The following SLC30A9 variants were observed in gnomAD, a reference collection of about 807,000 sequenced individuals.
SLC30A9 encodes the protein proton-coupled zinc antiporter SLC30A9, mitochondrial.
A neutral mutation model predicts 87.5 loss-of-function variants in SLC30A9; 58 were observed. The ratio of observed to expected loss-of-function variants is 0.66; its 90% CI spans 0.54 to 0.82. The LOEUF (loss-of-function observed/expected upper bound fraction) is 0.82, where lower values mean the gene tolerates loss of function less well. SLC30A9 is among the 40% of genes least tolerant of loss of function. SLC30A9 has a pLI of 0.00. For synonymous variants in SLC30A9, 234 were observed against 233.0 expected (o/e 1.00, Z -0.04); for missense variants, 557 against 679.1 (o/e 0.82, Z 2.00).
intron 2 of SLC30A9, among the ~76,000 whole-genome samples, chr4:42,007,431 T>C (rs547884776): frequency 3.9e-5 from 6 of 152,286 alleles, no homozygotes; most frequent in African/African-American, 1.4e-4. Context: ...CCAGTGAATC[T>C]ACTAGTCACT....
chr4:42,026,443 G>GTA (rs1295840473), intron 6 of SLC30A9, among the ~76,000 whole-genome samples: 1 of 152,150 alleles, frequency 6.6e-6, no homozygotes, highest in Non-Finnish European at 1.5e-5. Flanking sequence ...TATGAAAAAT[G>GTA]TATACATATT....
At chr4:42,070,422 T>C (rs1718263874) in intron 14 of SLC30A9, 104 bp from the exon 15 acceptor site, 1 of 827,670 alleles carries the variant, frequency 1.2e-6, no homozygotes, top group African/African-American at 1.7e-5. Flanking sequence ...TAGGAATAAA[T>C]TTCAAGTGCC....
chr4:42,031,674 A>G (rs1716443721), intron 6 of SLC30A9, among the ~76,000 whole-genome samples: 1 of 152,230 alleles, frequency 6.6e-6, no homozygotes, highest in East Asian at 1.9e-4. Context: ...CTGAATCCCA[A>G]TTAAGTGAAA....
At chr4:42,064,170 A>G (rs573389685) in intron 11 of SLC30A9, among the ~76,000 whole-genome samples, 1 of 152,276 alleles carries the variant, frequency 6.6e-6, no homozygotes, top group East Asian at 1.9e-4. Context: ...AGCTTTCACC[A>G]AAGAAATCTT....
chr4:42,037,809 G>A (rs879068986), intron 7 of SLC30A9, among the ~76,000 whole-genome samples: 1 of 152,036 alleles, frequency 6.6e-6, no homozygotes, highest in Non-Finnish European at 1.5e-5. Context: ...TTATTTTTGA[G>A]ACAGAGTATT....
chr4:42,019,279 C>CTTCAGGTA lies in SLC30A9; in HGVS notation c.334+1112_334+1119dup, dbSNP rs529983433. On this transcript the variant is annotated intron_variant, in intron 3 of 17. Transcript: ENST00000264451. ...ATAAGTTTGTTATTTTGCTCTTGCA[C>CTTCAGGTA]TTCAGGTATTTGCTTATTTATCTCT... Among the ~76,000 whole-genome samples, 970 of 152,224 alleles carry CTTCAGGTA rather than the reference C, an allele frequency of 6.4e-3. 2 individuals are homozygous for CTTCAGGTA. The highest frequency in any genetic ancestry group is 9.9e-3 in the Non-Finnish European group (675 of 68,010).
chr4:42,052,909 T>C (rs930902129), intron 9 of SLC30A9, among the ~76,000 whole-genome samples: 3 of 152,220 alleles, frequency 2.0e-5, no homozygotes, highest in South Asian at 4.1e-4. Context: ...TTTTGCTCAT[T>C]GAAAGACATC....
rs1200545599 is a variant in SLC30A9 at position 42,039,057 on chromosome 4, A to T, written c.737+4A>T. 1 of 1,598,340 alleles carries T rather than the reference A, an allele frequency of 6.3e-7. No homozygotes were observed. Among genetic ancestry groups the T allele is most frequent in the Non-Finnish European group, 8.6e-7 (1 of 1,165,948 alleles). Reference sequence around the variant, plus strand: ...TGGTGATGGTTGCAATTTGCATGTAAGTACTGAAAAATAAGCTTTGTGAAA... The same window carrying T: ...TGGTGATGGTTGCAATTTGCATGTATGTACTGAAAAATAAGCTTTGTGAAA... On this transcript the variant is annotated splice_donor_region_variant and intron_variant, in intron 8 of 17. Transcript: ENST00000264451.
chr4:42,062,559 T>G (rs1717899825), intron 10 of SLC30A9, among the ~76,000 whole-genome samples: 1 of 152,162 alleles, frequency 6.6e-6, no homozygotes. Context: ...CAGCATCAAA[T>G]TATAGGTATT....
In SLC30A9 at chr4:42,075,734, G is replaced by A. The variant is rs1718523047; in HGVS notation, c.1496G>A (p.Arg499Gln). 3.7e-6 allele frequency: 6 copies of A among 1,612,336 alleles called. No individual in the cohort carries two copies. Among genetic ancestry groups the A allele is most frequent in the African/African-American group, 1.3e-5 (1 of 74,852 alleles). Reference sequence around the variant, plus strand: ...AAGGCAGAAGTAGATTTTGATGGGCGAGTTGTTACAAGATCATATTTGGAA... The same window carrying A: ...AAGGCAGAAGTAGATTTTGATGGGCAAGTTGTTACAAGATCATATTTGGAA... ...RFKAEVDFDG[R>Q]VVTRSYLEKQ... is the part of the protein sequence containing the mutation. Residue 499 changes from arginine (R) to glutamine (Q), a missense_variant, in exon 16 of 18, where the codon CGA (arginine) becomes CAA (glutamine). Physicochemically the swap from Arg to Gln is conservative, Grantham distance 43. This residue lies in a region of SLC30A9 where 90 missense variants were observed against 149.4 expected (regional missense o/e 0.60). Coordinates refer to ENST00000264451, the MANE Select transcript of SLC30A9 (RefSeq NM_006345.4).
intron 1 of SLC30A9, among the ~76,000 whole-genome samples, chr4:41,995,269 A>G (rs1489949388): frequency 6.6e-6 from 1 of 152,206 alleles, no homozygotes; most frequent in African/African-American, 2.4e-5. Flanking sequence ...CCCCCACCAA[A>G]AAAAAGACCA....
At chr4:41,993,594 T>C (rs1325782049) in intron 1 of SLC30A9, among the ~76,000 whole-genome samples, 2 of 152,240 alleles carry the variant, frequency 1.3e-5, no homozygotes, top group African/African-American at 4.8e-5. Flanking sequence ...GAATTTTTCA[T>C]AATGATAATA....
Position 42,086,202 on chromosome 4 carries a change from T to A in SLC30A9, c.*76T>A. ...GTCCACTCTACAAAGTTTCCTCCTC[T>A]CCTACACTGAAAGACTCAGTGCCAT... On this transcript the variant is annotated 3_prime_UTR_variant, in exon 18 of 18. Coordinates refer to ENST00000264451, the MANE Select transcript of SLC30A9 (RefSeq NM_006345.4). 1.1e-6 allele frequency: 1 copy of A among 875,732 alleles called. No individual in the cohort carries two copies. The highest frequency in any genetic ancestry group is 1.8e-6 in the Non-Finnish European group (1 of 565,058). The allele number at this position is 875,732 out of a possible 1,614,324, so 54.2% of individuals were successfully genotyped here.
At chr4:42,047,321 A>T (rs1265194806) in intron 8 of SLC30A9, among the ~76,000 whole-genome samples, 1 of 152,238 alleles carries the variant, frequency 6.6e-6, no homozygotes, top group Admixed American at 6.5e-5. Context: ...AAATTTTTGC[A>T]ATCTATCCAT....
chr4:42,020,800 G>T (rs1036157151), intron 4 of SLC30A9: 10 of 256,852 alleles, frequency 3.9e-5, no homozygotes, highest in Non-Finnish European at 7.3e-5. Flanking sequence ...GAGTTAAATT[G>T]TTAAGTCATT....
chr4:42,052,005 A>G (rs1027717740), intron 9 of SLC30A9, among the ~76,000 whole-genome samples: 1 of 150,110 alleles, frequency 6.7e-6, no homozygotes, highest in African/African-American at 2.4e-5. Flanking sequence ...TATGATATAT[A>G]TAAAAATGAT....
chr4:41,999,903 AATAC>A (rs1714904459), intron 1 of SLC30A9, among the ~76,000 whole-genome samples: 1 of 152,106 alleles, frequency 6.6e-6, no homozygotes, highest in South Asian at 2.1e-4. Flanking sequence ...GTCTCTTATA[AATAC>A]ATACTGAAAT....
intron 6 of SLC30A9, among the ~76,000 whole-genome samples, chr4:42,024,858 AT>A (rs1476562764): frequency 1.3e-5 from 2 of 152,142 alleles, no homozygotes; most frequent in East Asian, 3.8e-4. Context: ...TTCTGTAATA[AT>A]TTTTATATGT....
chr4:42,048,745 C>G (rs1407417318), intron 8 of SLC30A9, among the ~76,000 whole-genome samples: 1 of 152,102 alleles, frequency 6.6e-6, no homozygotes, highest in Non-Finnish European at 1.5e-5. Flanking sequence ...CTGCTTTTAT[C>G]TACCTAAAAC....
Sources: allele counts gnomAD v4.1 joint callset (sites outside exome capture counted in the v4.1 genomes callset), GRCh38; gene constraint gnomAD v4.1.1; regional missense constraint gnomAD v4.1.1; transcripts MANE v1.5; gene names NCBI Gene and HGNC (gene_info 2026-07-23, HGNC 2026-07-21).